OR10H4: variants seen among roughly 807,000 people sequenced by gnomAD.
OR10H4 encodes the protein olfactory receptor family 10 subfamily H member 4, also known as olfactory receptor 10H4.
OR10H4 carries 10 observed loss-of-function variants against 10.5 expected under a neutral mutation model. The observed-to-expected ratio is 0.95, with a 90% CI of 0.59 to 1.62. OR10H4 has a LOEUF of 1.62. Ranked by LOEUF, OR10H4 falls within the 40% of genes most tolerant of loss-of-function variation. OR10H4 has a pLI of 0.00. For missense variants in OR10H4, 397 were observed against 391.5 expected, an observed-to-expected ratio of 1.01 and a Z score of -0.12; for synonymous variants, 160 against 149.4, an observed-to-expected ratio of 1.07 and a Z score of -0.52.
Position 15,949,372 on chromosome 19 carries a change from A to T in OR10H4, c.365A>T (p.Asp122Val). 6.2e-7 allele frequency: 1 copy of T among 1,614,124 alleles called. No individual in the cohort carries two copies. Residue 122 changes from aspartate to valine, a missense_variant, in exon 1 of 1, where the codon GAT becomes GTT. Transcript: ENST00000322107. ...TTCCTTCTCCTGGTCATGGGCTATG[A>T]TCGCTATGTGGCCATCTGCCACCCA... The part of the protein sequence containing the change: ...HSFLLLVMGY[D>V]RYVAICHPLR...
Position 15,949,069 on chromosome 19 carries a change from C to T in OR10H4, c.62C>T (p.Pro21Leu). The change falls in exon 1 of 1, where the codon CCC becomes CTC. Residue 21 changes from proline to leucine, a missense_variant. Coordinates refer to ENST00000322107, the MANE Select transcript of OR10H4 (RefSeq NM_001004465.1). The stretch of plus-strand genomic sequence containing the variant: ...AACCTCTTTGGCTTCTCAGCCTTCC[C>T]CCAGCACCTCCTGCCCATCTTGTTC... ...EFNLFGFSAF[P>L]QHLLPILFLL... The T allele has an allele frequency of 1.2e-6, 2 of 1,614,184 alleles. No individual in the cohort carries two copies. The highest frequency in any genetic ancestry group is 1.1e-5 in the South Asian group (1 of 91,072).
In OR10H4 at chr19:15,949,584, A is replaced by T. The variant is rs777994504; in HGVS notation, c.577A>T (p.Lys193Ter). 43 of 1,614,096 alleles carry T rather than the reference A, an allele frequency of 2.7e-5. No individual in the cohort carries two copies. In the South Asian group the frequency reaches 4.5e-4, roughly 17 times the overall value. Residue 193 changes from lysine to a stop codon, truncating the protein, a stop_gained, in exon 1 of 1, where the codon AAG becomes TAG. Transcript: ENST00000322107. LOFTEE classifies it high-confidence loss of function. ...CCTCTTGAAGTTGGCCTGTGAAAAC[A>T]AGACATCATCTGTCATCATGGGTGT... is the stretch of plus-strand genomic sequence containing the variant. ...LSLLKLACEN[K>*]TSSVIMGVML...
chr19:15,949,404 T>A lies in OR10H4; in HGVS notation c.397T>A (p.Tyr133Asn). 1 of 1,614,234 alleles carries A rather than the reference T, an allele frequency of 6.2e-7. No homozygotes were observed. Among genetic ancestry groups the A allele is most frequent in the South Asian group, 1.1e-5 (1 of 91,086 alleles). Residue 133 changes from tyrosine (Y) to asparagine (N), a missense_variant, in exon 1 of 1, where the codon TAC (tyrosine) becomes AAC (asparagine). By Grantham distance (143) the Tyr-to-Asn change is moderately radical. Transcript: ENST00000322107. ...RYVAICHPLR[Y>N]NVLMSPRDCA... ...TGTGGCCATCTGCCACCCACTGCGTTACAATGTGCTCATGAGCCCCCGTGA... is the reference window on the plus strand; with the variant it reads ...TGTGGCCATCTGCCACCCACTGCGTAACAATGTGCTCATGAGCCCCCGTGA...
rs1387289165 is a variant in OR10H4 at position 15,949,559 on chromosome 19, C to T, written c.552C>T (p.Ser184=). Residue 184 remains serine, a synonymous_variant, in exon 1 of 1, where the codon TCC becomes TCT. Transcript: ENST00000322107. ...VIHHFFCHVL[S]LLKLACENKT... ...ACCATTTTTTCTGTCATGTGCTTTC[C>T]CTCTTGAAGTTGGCCTGTGAAAACA... 1.9e-6 allele frequency: 3 copies of T among 1,614,018 alleles called. No homozygotes were observed. The highest frequency in any genetic ancestry group is 1.3e-5 in the African/African-American group (1 of 74,888).
Position 15,949,249 on chromosome 19 carries a change from G to C in OR10H4, c.242G>C (p.Arg81Pro), listed in dbSNP as rs150970324. Residue 81 changes from arginine (R) to proline (P), a missense_variant, in exon 1 of 1, where the codon CGC becomes CCC. Arg to Pro is a moderately radical substitution (Grantham distance 103). Transcript: ENST00000322107. The stretch of plus-strand genomic sequence containing the variant: ...CTGTTCACTGTTGCCATCACCCCTC[G>C]CATGCTGGCTGATCTGCTTTCCACC... The part of the protein sequence containing the change: ...EILFTVAITP[R>P]MLADLLSTHH... 1.2e-6 allele frequency: 2 copies of C among 1,614,154 alleles called. No individual in the cohort carries two copies. The highest frequency in any genetic ancestry group is 1.7e-6 in the Non-Finnish European group (2 of 1,180,016).
chr19:15,949,404 T>C lies in OR10H4; in HGVS notation c.397T>C (p.Tyr133His). The C allele has an allele frequency of 6.2e-7, 1 of 1,614,234 alleles. No individual in the cohort carries two copies. The highest frequency in any genetic ancestry group is 8.5e-7 in the Non-Finnish European group (1 of 1,180,034). Residue 133 changes from tyrosine (Y) to histidine (H), a missense_variant, in exon 1 of 1, where the codon TAC becomes CAC. By Grantham distance (83) the Tyr-to-His change is moderately conservative. Transcript: ENST00000322107. ...TGTGGCCATCTGCCACCCACTGCGTTACAATGTGCTCATGAGCCCCCGTGA... is the reference window on the plus strand; with the variant it reads ...TGTGGCCATCTGCCACCCACTGCGTCACAATGTGCTCATGAGCCCCCGTGA... ...RYVAICHPLR[Y>H]NVLMSPRDCA...
Position 15,949,066 on chromosome 19 carries a change from T to TC in OR10H4, c.64dup (p.Gln22ProfsTer32), listed in dbSNP as rs766309383. 1.9e-6 allele frequency: 3 copies of TC among 1,614,120 alleles called. No homozygotes were observed. The highest frequency in any genetic ancestry group is 2.5e-6 in the Non-Finnish European group (3 of 1,179,988). ...TTTAACCTCTTTGGCTTCTCAGCCT[T>TC]CCCCCAGCACCTCCTGCCCATCTTG... is the stretch of plus-strand genomic sequence containing the variant. On this transcript the variant is annotated frameshift_variant, in exon 1 of 1. Transcript: ENST00000322107. LOFTEE classifies it high-confidence loss of function.
At position 15,949,598 on chromosome 19, in the gene OR10H4, C is replaced by A; in HGVS notation, c.591C>A (p.Val197=). The A allele has an allele frequency of 6.2e-7, 1 of 1,614,230 alleles. No individual in the cohort carries two copies. The highest frequency in any genetic ancestry group is 2.2e-5 in the East Asian group (1 of 44,886). Residue 197 remains valine, a synonymous_variant, in exon 1 of 1, where the codon GTC becomes GTA. Coordinates refer to ENST00000322107, the MANE Select transcript of OR10H4 (RefSeq NM_001004465.1). ...KLACENKTSS[V]IMGVMLVCVT... is the part of the protein sequence containing the mutation. Reference sequence around the variant, plus strand: ...CCTGTGAAAACAAGACATCATCTGTCATCATGGGTGTGATGCTGGTGTGTG... The same window carrying A: ...CCTGTGAAAACAAGACATCATCTGTAATCATGGGTGTGATGCTGGTGTGTG...
At position 15,949,084 on chromosome 19, in the gene OR10H4, C is replaced by T. The variant is rs1329985347; in HGVS notation, c.77C>T (p.Pro26Leu). ...GFSAFPQHLL[P>L]ILFLLYLLMF... ...TCAGCCTTCCCCCAGCACCTCCTGC[C>T]CATCTTGTTCCTGCTGTACCTCCTG... Residue 26 changes from proline (P) to leucine (L), a missense_variant, in exon 1 of 1, where the codon CCC becomes CTC. Coordinates refer to ENST00000322107, the MANE Select transcript of OR10H4 (RefSeq NM_001004465.1). 5.0e-6 allele frequency: 8 copies of T among 1,614,054 alleles called. No homozygotes were observed. Among genetic ancestry groups the T allele is most frequent in the African/African-American group, 4.0e-5 (3 of 74,930 alleles).
Position 15,949,888 on chromosome 19 carries a change from T to C in OR10H4, c.881T>C (p.Leu294Pro), listed in dbSNP as rs1169469355. 6.2e-7 allele frequency: 1 copy of C among 1,614,000 alleles called. No homozygotes were observed. Among genetic ancestry groups the C allele is most frequent in the Admixed American group, 1.7e-5 (1 of 59,998 alleles). The change falls in exon 1 of 1, where the codon CTA (leucine) becomes CCA (proline). Residue 294 changes from leucine to proline, a missense_variant. Coordinates refer to ENST00000322107, the MANE Select transcript of OR10H4 (RefSeq NM_001004465.1). ...TTCCTTAGCCCAATCATTTTCAGCC[T>C]AAGGAACAAGGAGCTGAAGAATGCC... The part of the protein sequence containing the change: ...TPFLSPIIFS[L>P]RNKELKNAIN...
In OR10H4 at chr19:15,949,544, C is replaced by T; in HGVS notation, c.537C>T (p.Phe179=). 1 of 1,614,150 alleles carries T rather than the reference C, an allele frequency of 6.2e-7. No homozygotes were observed. Among genetic ancestry groups the T allele is most frequent in the South Asian group, 1.1e-5 (1 of 91,086 alleles). Residue 179 remains phenylalanine, a synonymous_variant, in exon 1 of 1, where the codon TTC becomes TTT. Coordinates refer to ENST00000322107, the MANE Select transcript of OR10H4 (RefSeq NM_001004465.1). ...FCGSNVIHHF[F]CHVLSLLKLA... ...GGTCTAATGTGATCCACCATTTTTTCTGTCATGTGCTTTCCCTCTTGAAGT... is the reference window on the plus strand; with the variant it reads ...GGTCTAATGTGATCCACCATTTTTTTTGTCATGTGCTTTCCCTCTTGAAGT...
In OR10H4 at chr19:15,949,190, C is replaced by T. The variant is rs1443119765; in HGVS notation, c.183C>T (p.Tyr61=). The T allele has an allele frequency of 6.2e-7, 1 of 1,614,188 alleles. No homozygotes were observed. Among genetic ancestry groups the T allele is most frequent in the Non-Finnish European group, 8.5e-7 (1 of 1,180,028 alleles). ...WIEHRLHTPM[Y]LFLCTLSVSE... is the part of the protein sequence containing the mutation. ...AACACAGACTCCACACACCCATGTA[C>T]CTCTTCTTGTGCACCCTCTCCGTCT... Residue 61 remains tyrosine, a synonymous_variant, in exon 1 of 1, where the codon TAC becomes TAT. Transcript: ENST00000322107.
rs1276689372 is a variant in OR10H4, at chr19:15,949,849, C to G, written c.842C>G (p.Thr281Ser). ...GACGCCTTGATGGCCACCACCTATACTGTCTTCACCCCCTTCCTTAGCCCA... is the reference window on the plus strand; with the variant it reads ...GACGCCTTGATGGCCACCACCTATAGTGTCTTCACCCCCTTCCTTAGCCCA... ...YSDALMATTY[T>S]VFTPFLSPII... is the part of the protein sequence containing the mutation. The change falls in exon 1 of 1, where the codon ACT becomes AGT. Residue 281 changes from threonine to serine, a missense_variant. Coordinates refer to ENST00000322107, the MANE Select transcript of OR10H4 (RefSeq NM_001004465.1). The G allele has an allele frequency of 1.2e-6, 2 of 1,614,106 alleles. No homozygotes were observed.
In OR10H4 at chr19:15,949,822, G is replaced by T. The variant is rs142038724; in HGVS notation, c.815G>T (p.Ser272Ile). 6.2e-7 allele frequency: 1 copy of T among 1,614,130 alleles called. No individual in the cohort carries two copies. The highest frequency in any genetic ancestry group is 2.2e-5 in the East Asian group (1 of 44,878). ...CCCAAGGGCCTCCATTCTATGTACA[G>T]TGACGCCTTGATGGCCACCACCTAT... ...LKPKGLHSMY[S>I]DALMATTYTV... Residue 272 changes from serine to isoleucine, a missense_variant, in exon 1 of 1, where the codon AGT becomes ATT. By Grantham distance (142) the Ser-to-Ile change is moderately radical. Transcript: ENST00000322107.
rs762643834 is a variant in OR10H4 at position 15,949,035 on chromosome 19, T to C, written c.28T>C (p.Ser10Pro). The C allele has an allele frequency of 6.2e-6, 10 of 1,612,832 alleles. No homozygotes were observed. Among genetic ancestry groups the C allele is most frequent in the South Asian group, 4.4e-5 (4 of 90,938 alleles). Residue 10 changes from serine to proline, a missense_variant, in exon 1 of 1, where the codon TCT becomes CCT. Physicochemically the swap from Ser to Pro is moderately conservative, Grantham distance 74 (BLOSUM62 -1). Coordinates refer to ENST00000322107, the MANE Select transcript of OR10H4 (RefSeq NM_001004465.1). ...GCCTAGTCAGAACTATAGCATCATA[T>C]CTGAATTTAACCTCTTTGGCTTCTC... The part of the protein sequence containing the change: MPSQNYSII[S>P]EFNLFGFSAF...
In OR10H4 at chr19:15,949,210, C is replaced by A. The variant is rs771459508; in HGVS notation, c.203C>A (p.Ser68Tyr). 5 of 1,614,106 alleles carry A rather than the reference C, an allele frequency of 3.1e-6. No individual in the cohort carries two copies. Among genetic ancestry groups the A allele is most frequent in the Admixed American group, 3.3e-5 (2 of 60,004 alleles). The change falls in exon 1 of 1, where the codon TCC (serine) becomes TAC (tyrosine). Residue 68 changes from serine to tyrosine, a missense_variant. Coordinates refer to ENST00000322107, the MANE Select transcript of OR10H4 (RefSeq NM_001004465.1). Reference sequence around the variant, plus strand: ...ATGTACCTCTTCTTGTGCACCCTCTCCGTCTCTGAGATTCTGTTCACTGTT... The same window carrying A: ...ATGTACCTCTTCTTGTGCACCCTCTACGTCTCTGAGATTCTGTTCACTGTT... ...TPMYLFLCTLSVSEILFTVAI... is the reference protein window; with the variant it reads ...TPMYLFLCTLYVSEILFTVAI...
chr19:15,949,405 A>T lies in OR10H4; in HGVS notation c.398A>T (p.Tyr133Phe), dbSNP rs1368796643. 6.2e-7 allele frequency: 1 copy of T among 1,614,174 alleles called. No individual in the cohort carries two copies. Among genetic ancestry groups the T allele is most frequent in the South Asian group, 1.1e-5 (1 of 91,086 alleles). Reference protein sequence around the residue: ...RYVAICHPLRYNVLMSPRDCA... With the variant: ...RYVAICHPLRFNVLMSPRDCA... ...GTGGCCATCTGCCACCCACTGCGTT[A>T]CAATGTGCTCATGAGCCCCCGTGAC... Residue 133 changes from tyrosine (Y) to phenylalanine (F), a missense_variant, in exon 1 of 1, where the codon TAC (tyrosine) becomes TTC (phenylalanine). Coordinates refer to ENST00000322107, the MANE Select transcript of OR10H4 (RefSeq NM_001004465.1).
In OR10H4 at chr19:15,949,013, T is replaced by C. The variant is rs1180780531; in HGVS notation, c.6T>C (p.Pro2=). 1 of 1,602,046 alleles carries C rather than the reference T, an allele frequency of 6.2e-7. No individual in the cohort carries two copies. The highest frequency in any genetic ancestry group is 8.5e-7 in the Non-Finnish European group (1 of 1,170,390). The change falls in exon 1 of 1, where the codon CCT becomes CCC. Residue 2 remains proline (P), a synonymous_variant. Coordinates refer to ENST00000322107, the MANE Select transcript of OR10H4 (RefSeq NM_001004465.1). M[P]SQNYSIISEF... is the part of the protein sequence containing the mutation. ...TCTCACCAGATACAGTATCCATGCC[T>C]AGTCAGAACTATAGCATCATATCTG...
Position 15,949,489 on chromosome 19 carries a change from C to G in OR10H4, c.482C>G (p.Thr161Arg). Reference sequence around the variant, plus strand: ...GGCTCAGTCATGGGGATGATGGTGACAACGATAGTTTTCCACCTCACTTTC... The same window carrying G: ...GGCTCAGTCATGGGGATGATGGTGAGAACGATAGTTTTCCACCTCACTTTC... ...AGGSVMGMMV[T>R]TIVFHLTFCG... The change falls in exon 1 of 1, where the codon ACA becomes AGA. Residue 161 changes from threonine to arginine, a missense_variant. Coordinates refer to ENST00000322107, the MANE Select transcript of OR10H4 (RefSeq NM_001004465.1). The G allele has an allele frequency of 6.2e-7, 1 of 1,614,214 alleles. No homozygotes were observed. The highest frequency in any genetic ancestry group is 8.5e-7 in the Non-Finnish European group (1 of 1,180,036).
Sources: allele counts gnomAD v4.1 joint callset, GRCh38; gene constraint gnomAD v4.1.1; transcripts MANE v1.5; gene names NCBI Gene and HGNC (gene_info 2026-07-23, HGNC 2026-07-21).